Variants in IL31RA observed in about 807,000 individuals in gnomAD.
IL31RA encodes interleukin-31 receptor subunit alpha.
IL31RA carries 66 observed loss-of-function variants against 83.7 expected under a neutral mutation model. The ratio of observed to expected loss-of-function variants is 0.79; its 90% CI spans 0.65 to 0.97. IL31RA has a LOEUF of 0.97. IL31RA is among the 50% of genes least tolerant of loss of function. The pLI, the probability that IL31RA is intolerant of heterozygous loss-of-function variation, is 0.00. For missense variants in IL31RA, 798 were observed against 919.4 expected (o/e 0.87, Z 1.71); for synonymous variants, 325 against 329.0 (o/e 0.99, Z 0.13).
At position 55,916,945 on chromosome 5, in the gene IL31RA, T is replaced by C. The variant is rs1010290087; in HGVS notation, c.2120T>C (p.Met707Thr). 3 of 1,613,938 alleles carry C rather than the reference T, an allele frequency of 1.9e-6. No homozygotes were observed. Among genetic ancestry groups the C allele is most frequent in the Non-Finnish European group, 2.5e-6 (3 of 1,179,874 alleles). Residue 707 changes from methionine (M) to threonine (T), a missense_variant, in exon 15 of 15, where the codon ATG (methionine) becomes ACG (threonine). Coordinates refer to ENST00000652347, the MANE Select transcript of IL31RA (RefSeq NM_139017.7). The stretch of plus-strand genomic sequence containing the variant: ...AAATCCCAATACCTACGTTCGAGGA[T>C]GCCAGAGGGGACCCGCCCAGAAGCC... The part of the protein sequence containing the change: ...PRKSQYLRSR[M>T]PEGTRPEAKE...
At chr5:55,851,320 T>G, upstream of IL31RA, 1 of 574,134 alleles carries the variant, frequency 1.7e-6, no homozygotes, top group Non-Finnish European at 3.1e-6. Flanking sequence ...CATGCCTGAA[T>G]AGAGCTTATT....
chr5:55,878,053 T>C (rs2112413132), intron 4 of IL31RA, among the ~76,000 whole-genome samples: 1 of 152,340 alleles, frequency 6.6e-6, no homozygotes, highest in South Asian at 2.1e-4. Context: ...GACTCAATAC[T>C]TTCAGTTGTT....
At chr5:55,876,354 C>T (rs761968240) in intron 4 of IL31RA, among the ~76,000 whole-genome samples, 11 of 152,230 alleles carry the variant, frequency 7.2e-5, no homozygotes, top group South Asian at 2.1e-4. Context: ...TGCAGTGAGC[C>T]GAGATCATGC....
At chr5:55,868,617 G>A (rs1361233668) in intron 2 of IL31RA, among the ~76,000 whole-genome samples, 174 bp from the exon 3 acceptor site, 2 of 152,206 alleles carry the variant, frequency 1.3e-5, no homozygotes, top group African/African-American at 2.4e-5. Context: ...AATAATTAAA[G>A]AGATGAAGTT....
chr5:55,853,492 T>C (rs1745177109), intron 1 of IL31RA: 5 of 1,550,526 alleles, frequency 3.2e-6, no homozygotes, highest in African/African-American at 1.4e-5. Context: ...ACTTGTGCTG[T>C]GGGAGGTGGA....
chr5:55,874,682 T>C (rs113246263), intron 4 of IL31RA, among the ~76,000 whole-genome samples: 57 of 152,320 alleles, frequency 3.7e-4, no homozygotes, highest in African/African-American at 1.3e-3. Context: ...TTGTTCATTG[T>C]TAGTGTATAT....
intron 5 of IL31RA, 76 bp from the exon 6 acceptor site, chr5:55,889,894 C>A: frequency 7.7e-7 from 1 of 1,291,208 alleles, no homozygotes; most frequent in Non-Finnish European, 1.1e-6. Context: ...TGTAAAAGTA[C>A]ACTAGGTAGT....
intron 6 of IL31RA, among the ~76,000 whole-genome samples, chr5:55,894,780 G>A (rs774003869): frequency 2.0e-5 from 3 of 152,110 alleles, no homozygotes; most frequent in South Asian, 2.1e-4. Flanking sequence ...GCAATGGCGC[G>A]ATCTCAGCTC....
intron 1 of IL31RA, among the ~76,000 whole-genome samples, chr5:55,857,061 A>G (rs1452743392): frequency 6.6e-6 from 1 of 150,848 alleles, no homozygotes; most frequent in Non-Finnish European, 1.5e-5. Flanking sequence ...TACTGGACTT[A>G]TTTCTAAGCC....
chr5:55,917,218 A>G lies in IL31RA; in HGVS notation c.*98A>G, dbSNP rs529425058. 1.3e-4 allele frequency: 210 copies of G among 1,600,740 alleles called. No individual in the cohort carries two copies. Among genetic ancestry groups the G allele is most frequent in the Admixed American group, 2.2e-4 (13 of 59,898 alleles). ...CACGCAGCGCTTGCTTGGCCCTGCC[A>G]CATCCTGCCTAGGTTAAAGTTTCCC... is the stretch of plus-strand genomic sequence containing the variant. On this transcript the variant is annotated 3_prime_UTR_variant, in exon 15 of 15. Transcript: ENST00000652347.
chr5:55,872,480 T>A (rs1199184190), intron 4 of IL31RA, 29 bp downstream of exon 4: 2 of 1,434,276 alleles, frequency 1.4e-6, no homozygotes, highest in East Asian at 4.6e-5. Context: ...TCTTATATAC[T>A]CTTTATTAAA....
At chr5:55,846,182 A>G in the IL31RA span, among the ~76,000 whole-genome samples, 1 of 152,170 alleles carries the variant, frequency 6.6e-6, no homozygotes, top group South Asian at 2.1e-4. Context: ...CTGTGACCTC[A>G]CTTCTCTGAT....
chr5:55,898,221 C>G (rs1020777319), intron 7 of IL31RA, among the ~76,000 whole-genome samples: 2 of 152,136 alleles, frequency 1.3e-5, no homozygotes, highest in African/African-American at 4.8e-5. Flanking sequence ...ATAGCAGTGG[C>G]GAAGGGCCAA....
intron 6 of IL31RA, among the ~76,000 whole-genome samples, chr5:55,895,751 A>G (rs1333242063): frequency 2.0e-5 from 3 of 152,126 alleles, no homozygotes; most frequent in South Asian, 2.1e-4. Context: ...CTTCATATGA[A>G]TTTCTAGGTT....
chr5:55,866,844 T>G (rs1161541931), intron 2 of IL31RA: 1 of 152,250 alleles, frequency 6.6e-6, no homozygotes, highest in Admixed American at 6.5e-5. Flanking sequence ...CCATATTTAC[T>G]TGTTAGAAGT....
rs1165843375 is a variant in IL31RA, at chr5:55,883,013, G to C, written c.455-31G>C. The C allele has an allele frequency of 3.1e-6, 5 of 1,609,496 alleles. No individual in the cohort carries two copies. The African/African-American group carries it at 6.7e-5, about 22-fold the overall frequency. Reference sequence around the variant, plus strand: ...ATTAGCAAATTCTTATCTTTTTGCAGATATGAGAGTTGTATGATTTTTATT... The same window carrying C: ...ATTAGCAAATTCTTATCTTTTTGCACATATGAGAGTTGTATGATTTTTATT... On this transcript the variant is annotated intron_variant, in intron 4 of 14. Coordinates refer to ENST00000652347, the MANE Select transcript of IL31RA (RefSeq NM_139017.7).
chr5:55,887,050 A>G (rs529632942), intron 5 of IL31RA, among the ~76,000 whole-genome samples: 1 of 152,334 alleles, frequency 6.6e-6, no homozygotes, highest in East Asian at 1.9e-4. Flanking sequence ...TGCTCAATAA[A>G]TATTTGTTTA....
rs375804068 is a variant in IL31RA at position 55,906,178 on chromosome 5, C to A, written c.1142C>A (p.Ala381Asp). 6.2e-7 allele frequency: 1 copy of A among 1,614,142 alleles called. No homozygotes were observed. Among genetic ancestry groups the A allele is most frequent in the South Asian group, 1.1e-5 (1 of 91,084 alleles). Reference protein sequence around the residue: ...DQLVVKWQSSALDVNTWMIEW... With the variant: ...DQLVVKWQSSDLDVNTWMIEW... ...CTAGTGGTGAAGTGGCAAAGCTCTGCTCTAGACGTGAACACTTGGATGATT... is the reference window on the plus strand; with the variant it reads ...CTAGTGGTGAAGTGGCAAAGCTCTGATCTAGACGTGAACACTTGGATGATT... Residue 381 changes from alanine to aspartate, a missense_variant, in exon 9 of 15, where the codon GCT becomes GAT. Transcript: ENST00000652347.
chr5:55,874,692 TA>T (rs1334533032), intron 4 of IL31RA, among the ~76,000 whole-genome samples: 1 of 152,174 alleles, frequency 6.6e-6, no homozygotes, highest in Non-Finnish European at 1.5e-5. Flanking sequence ...TTAGTGTATA[TA>T]AATACAATTG....
Sources: gnomAD v4.1 joint callset for allele counts (sites outside exome capture counted in the v4.1 genomes callset) on GRCh38, gnomAD v4.1.1 for gene constraint, MANE v1.5 for transcripts, NCBI Gene and HGNC (gene_info 2026-07-23, HGNC 2026-07-21) for gene names.